CDH12: variants seen among roughly 807,000 people sequenced by gnomAD.
The protein encoded by CDH12 is cadherin 12.
CDH12 carries 41 observed loss-of-function variants against 74.1 expected under a neutral mutation model. That is an observed-to-expected ratio of 0.55 (90% confidence interval 0.43 to 0.72). The LOEUF (loss-of-function observed/expected upper bound fraction) is 0.72. Ranked by LOEUF, CDH12 falls within the 30% of genes least tolerant of loss-of-function variation. The probability of loss-of-function intolerance (pLI) is 0.00; values close to 1 mark genes in which losing one functional copy is unlikely to be tolerated. For missense variants in CDH12, 945 were observed against 977.2 expected, an observed-to-expected ratio of 0.97 and a Z score of 0.44; for synonymous variants, 399 against 355.0, an observed-to-expected ratio of 1.12 and a Z score of -1.39.
intron 1 of CDH12, among the ~76,000 whole-genome samples, chr5:22,702,894 A>G (rs1019370181): frequency 1.3e-5 from 2 of 152,062 alleles, no homozygotes; most frequent in African/African-American, 4.8e-5. Flanking sequence ...TTTTTACAAT[A>G]GTTACATTTT....
chr5:22,191,933 TTTTTG>T lies in CDH12; in HGVS notation c.-187+20560_-187+20564del, dbSNP rs778089655. 3.3e-3 allele frequency among the ~76,000 whole-genome samples: 244 copies of T among 73,230 alleles called. 2 individuals are homozygous for T. Among genetic ancestry groups the T allele is most frequent in the Non-Finnish European group, 6.6e-3 (193 of 29,102 alleles). The allele number at this position is 73,230 out of a possible 152,430, so 48.0% of individuals were successfully genotyped here. A position where few individuals can be genotyped will look rare whatever the true frequency, so the allele number is the denominator to read the frequency against. ...TGTATGCCAAAATTAATACTCATGT[TTTTTG>T]TTTGTCTGTTTGTTTGAGACAGAGG... On this transcript the variant is annotated intron_variant, in intron 4 of 14. Coordinates refer to ENST00000382254, the MANE Select transcript of CDH12 (RefSeq NM_004061.5).
At position 22,245,063 on chromosome 5, in the gene CDH12, G is replaced by T. The variant is rs188036053; in HGVS notation, c.-332-32420C>A. Among the ~76,000 whole-genome samples, 1,522 of 152,260 alleles carry T rather than the reference G, an allele frequency of 1.0e-2. 17 individuals are homozygous for T. Among genetic ancestry groups the T allele is most frequent in the Non-Finnish European group, 0.015 (999 of 68,016 alleles). On this transcript the variant is annotated intron_variant, in intron 3 of 14. Transcript: ENST00000382254. ...CTGCGGCAGAGCACGCACGAGGGGA[G>T]GTGCTAGGAAAAGATGCCTGAAACC...
intron 1 of CDH12, among the ~76,000 whole-genome samples, chr5:22,746,101 T>A (rs1745284356): frequency 6.6e-6 from 1 of 152,208 alleles, no homozygotes; most frequent in Non-Finnish European, 1.5e-5. Context: ...AATATTTTAA[T>A]ATTTGGTAAT....
chr5:21,756,446 T>C (rs1428534675), intron 13 of CDH12, among the ~76,000 whole-genome samples: 2 of 152,172 alleles, frequency 1.3e-5, no homozygotes, highest in Non-Finnish European at 2.9e-5. Context: ...ACTATAACAA[T>C]GACTACTTTA....
chr5:21,825,683 G>A (rs1197338163), intron 8 of CDH12, among the ~76,000 whole-genome samples: 5 of 152,108 alleles, frequency 3.3e-5, no homozygotes, highest in African/African-American at 1.2e-4. Flanking sequence ...AGTTTCCCCT[G>A]AGATATAGTG....
chr5:21,880,586 T>A (rs1459489964), intron 6 of CDH12, among the ~76,000 whole-genome samples: 8 of 52,298 alleles, frequency 1.5e-4, no homozygotes, highest in African/African-American at 5.7e-4. Flanking sequence ...CTTCCTTCCT[T>A]CCTTCCTTCC....
In CDH12 at chr5:22,431,803, G is replaced by A. The variant is rs547338395; in HGVS notation, c.-427-26452C>T. Among the ~76,000 whole-genome samples, 21 of 152,220 alleles carry A rather than the reference G, an allele frequency of 1.4e-4. No individual in the cohort carries two copies. The South Asian group carries it at 2.7e-3, about 20-fold the overall frequency. On this transcript the variant is annotated intron_variant, in intron 2 of 14. Transcript: ENST00000382254. Reference sequence around the variant, plus strand: ...GAAACAGAAAAAGCTTATAGAATAAGGACATAAAGAAAATATTTTTGTGCA... The same window carrying A: ...GAAACAGAAAAAGCTTATAGAATAAAGACATAAAGAAAATATTTTTGTGCA...
At chr5:22,215,610 C>T (rs1306192634) in intron 3 of CDH12, among the ~76,000 whole-genome samples, 2 of 152,128 alleles carry the variant, frequency 1.3e-5, no homozygotes, top group East Asian at 3.9e-4. Flanking sequence ...AAGAAAATAG[C>T]TCCACTCTAA....
At chr5:21,998,359 C>T (rs1736416532) in intron 5 of CDH12, among the ~76,000 whole-genome samples, 1 of 152,036 alleles carries the variant, frequency 6.6e-6, no homozygotes, top group Admixed American at 6.6e-5. Flanking sequence ...TATATATATA[C>T]ATTTGCACTT....
chr5:22,604,410 T>C (rs1050058977), intron 1 of CDH12, among the ~76,000 whole-genome samples: 5 of 152,196 alleles, frequency 3.3e-5, no homozygotes, highest in Non-Finnish European at 5.9e-5. Context: ...AAGCCACACA[T>C]GCAGCTACAG....
At position 22,748,855 on chromosome 5, in the gene CDH12, C is replaced by T. The variant is rs376280838; in HGVS notation, c.-523+104203G>A. On this transcript the variant is annotated intron_variant, in intron 1 of 14. Transcript: ENST00000382254. ...AAAACAAGCTTTCTCAATGTTTTAG[C>T]GTAGGGGCTGTTTGACTTCAGTTCA... Among the ~76,000 whole-genome samples, 6 of 152,206 alleles carry T rather than the reference C, an allele frequency of 3.9e-5. No homozygotes were observed. In the South Asian group the frequency reaches 8.3e-4, roughly 21 times the overall value.
chr5:22,364,191 G>C (rs1283933642), intron 3 of CDH12, among the ~76,000 whole-genome samples: 2 of 152,096 alleles, frequency 1.3e-5, no homozygotes, highest in African/African-American at 4.8e-5. Flanking sequence ...AAATCATATC[G>C]TTTTGTCTTG....
chr5:22,244,802 A>AAGGAAGAG (rs1159642087), intron 3 of CDH12, among the ~76,000 whole-genome samples: 2 of 65,622 alleles, frequency 3.0e-5, no homozygotes, highest in African/African-American at 7.3e-5. Context: ...GAAAGAAAGA[A>AAGGAAGAG]AAATTCAAAG....
rs569111898 is a variant in CDH12 at position 22,483,984 on chromosome 5, C to T, written c.-428+21286G>A. Among the ~76,000 whole-genome samples the T allele has an allele frequency of 6.7e-5, 10 of 150,362 alleles. No homozygotes were observed. The South Asian group carries it at 8.4e-4, about 13-fold the overall frequency. The stretch of plus-strand genomic sequence containing the variant: ...ATTTCAGAAACAAACTTCTTCTAAC[C>T]GTAAGAAATTGTTTATAGCAAACAT... On this transcript the variant is annotated intron_variant, in intron 2 of 14. Transcript: ENST00000382254.
chr5:22,388,849 A>G (rs560144821), intron 3 of CDH12, among the ~76,000 whole-genome samples: 1 of 152,210 alleles, frequency 6.6e-6, no homozygotes, highest in South Asian at 2.1e-4. Flanking sequence ...AAGAGTGTTG[A>G]ATTGCTATGA....
chr5:22,029,760 T>C (rs1298052438), intron 5 of CDH12, among the ~76,000 whole-genome samples: 1 of 151,860 alleles, frequency 6.6e-6, no homozygotes. Context: ...ATCCCATTAC[T>C]GGGTATATAC....
chr5:21,821,420 A>C (rs1214904426), intron 8 of CDH12, among the ~76,000 whole-genome samples: 1 of 151,914 alleles, frequency 6.6e-6, no homozygotes, highest in African/African-American at 2.4e-5. Flanking sequence ...AAATACCACA[A>C]CATTCAATGA....
In CDH12 at chr5:22,557,556, G is replaced by A. The variant is rs189516333; in HGVS notation, c.-522-52192C>T. Among the ~76,000 whole-genome samples, 47 of 152,144 alleles carry A rather than the reference G, an allele frequency of 3.1e-4. No homozygotes were observed. The East Asian group carries it at 3.3e-3, about 11-fold the overall frequency. ...AGAAAGGAAAAAGAAGGAAGAATAC[G>A]AACGTAATATATAAAAGTCAGTTTC... On this transcript the variant is annotated intron_variant, in intron 1 of 14. Transcript: ENST00000382254.
chr5:22,760,280 T>C (rs568831247), intron 1 of CDH12, among the ~76,000 whole-genome samples: 19 of 152,302 alleles, frequency 1.2e-4, no homozygotes, highest in Non-Finnish European at 2.4e-4. Flanking sequence ...AGAATCTAAA[T>C]AGGTGATAAG....
Sources: allele counts gnomAD v4.1 joint callset (sites outside exome capture counted in the v4.1 genomes callset), GRCh38; gene constraint gnomAD v4.1.1; transcripts MANE v1.5; gene names NCBI Gene and HGNC (gene_info 2026-07-23, HGNC 2026-07-21).